Variants in ABCG1 observed in about 807,000 individuals in gnomAD.
ABCG1 encodes ATP-binding cassette sub-family G member 1.
ABCG1 carries 29 observed loss-of-function variants against 69.2 expected under a neutral mutation model. The ratio of observed to expected loss-of-function variants is 0.42; its 90% CI spans 0.31 to 0.57. ABCG1 has a LOEUF of 0.57. ABCG1 is among the 20% of genes least tolerant of loss of function. The pLI is 0.15. For missense variants in ABCG1, 718 were observed against 898.1 expected (o/e 0.80, Z 2.56); for synonymous variants, 370 against 374.8 (o/e 0.99, Z 0.15).
chr21:42,296,156 C>T lies in ABCG1; in HGVS notation c.1773-8C>T. The T allele has an allele frequency of 6.2e-7, 1 of 1,611,864 alleles. No individual in the cohort carries two copies. The highest frequency in any genetic ancestry group is 8.5e-7 in the Non-Finnish European group (1 of 1,178,024). On this transcript the variant is annotated splice_region_variant and splice_polypyrimidine_tract_variant and intron_variant, in intron 14 of 14. Coordinates refer to ENST00000398449, the MANE Select transcript of ABCG1 (RefSeq NM_016818.3). The surrounding 1 kb of genome is among the most constrained non-coding windows in gnomAD (Gnocchi z 5.4). ...ACGTCCTCCCTCATGCCTGGCCTTT[C>T]CTCCTAGGTATGGGTTCGAAGGGGT...
upstream of ABCG1, among the ~76,000 whole-genome samples, chr21:42,215,638 G>A (rs556904725): frequency 1.3e-5 from 2 of 152,316 alleles, no homozygotes; most frequent in South Asian, 2.1e-4. Context: ...TGAGGGACAC[G>A]AGGAACTGGC....
In ABCG1 at chr21:42,219,293, G is replaced by A. The variant is rs2067682339; in HGVS notation, c.31G>A (p.Gly11Ser). Residue 11 changes from glycine to serine, a missense_variant, in exon 1 of 15, where the codon GGC becomes AGC. Physicochemically the swap from Gly to Ser is moderately conservative, Grantham distance 56. Transcript: ENST00000398449. The surrounding 1 kb of genome is among the most constrained non-coding windows in gnomAD (Gnocchi z 5.3). The stretch of plus-strand genomic sequence containing the variant: ...CTGTCTGATGGCCGCTTTCTCGGTC[G>A]GCACCGCCATGGTGAGTGAGCGCAT... Reference protein sequence around the residue: MACLMAAFSVGTAMNASSYSA... With the variant: MACLMAAFSVSTAMNASSYSA... 1.3e-6 allele frequency: 2 copies of A among 1,594,080 alleles called. No individual in the cohort carries two copies. The highest frequency in any genetic ancestry group is 8.5e-7 in the Non-Finnish European group (1 of 1,174,370).
At chr21:42,224,708 A>G (rs866949991) in intron 1 of ABCG1, among the ~76,000 whole-genome samples, 1 of 152,214 alleles carries the variant, frequency 6.6e-6, no homozygotes, top group African/African-American at 2.4e-5. Flanking sequence ...AGACAGCAAG[A>G]AAAAGCACAG....
intron 2 of ABCG1, among the ~76,000 whole-genome samples, chr21:42,235,187 G>A (rs2123568491): frequency 6.6e-6 from 1 of 152,348 alleles, no homozygotes; most frequent in African/African-American, 2.4e-5. Flanking sequence ...CCTGAGGGTG[G>A]AGGTGTTGCC....
chr21:42,288,003 T>C lies in ABCG1; in HGVS notation c.1088T>C (p.Val363Ala), dbSNP rs949236511. 3.1e-6 allele frequency: 5 copies of C among 1,612,612 alleles called. No homozygotes were observed. The African/African-American group carries it at 4.0e-5, about 13-fold the overall frequency. Reference sequence around the variant, plus strand: ...AGAGACCTCGGGGGTGATGCCGAGGTGAACCCTTTTCTTTGGCACCGGCCC... The same window carrying C: ...AGAGACCTCGGGGGTGATGCCGAGGCGAACCCTTTTCTTTGGCACCGGCCC... ...HKRDLGGDAE[V>A]NPFLWHRPSE... is the part of the protein sequence containing the mutation. The change falls in exon 9 of 15, where the codon GTG (valine) becomes GCG (alanine). Residue 363 changes from valine to alanine, a missense_variant. By Grantham distance (64) the Val-to-Ala change is moderately conservative (BLOSUM62 0). Coordinates refer to ENST00000398449, the MANE Select transcript of ABCG1 (RefSeq NM_016818.3). The surrounding 1 kb of genome is among the most constrained non-coding windows in gnomAD (Gnocchi z 4.8).
At chr21:42,282,444 T>A (rs1315076048) in intron 6 of ABCG1, 25 bp downstream of exon 6, 2 of 1,599,444 alleles carry the variant, frequency 1.3e-6, no homozygotes, top group Non-Finnish European at 1.7e-6. Flanking sequence ...TCTGAGCTGG[T>A]GTCCAGGGGC....
chr21:42,277,293 A>AT (rs2068728563), intron 5 of ABCG1, among the ~76,000 whole-genome samples: 1 of 152,214 alleles, frequency 6.6e-6, no homozygotes, highest in South Asian at 2.1e-4. Context: ...TCGATATTAA[A>AT]TTTTTTATAA....
At chr21:42,280,480 CA>C (rs1453603056) in intron 5 of ABCG1, among the ~76,000 whole-genome samples, 5 of 152,244 alleles carry the variant, frequency 3.3e-5, no homozygotes, top group Non-Finnish European at 5.9e-5. Flanking sequence ...CGGGAAGCCC[CA>C]GGGGGGCTGG....
intron 2 of ABCG1, among the ~76,000 whole-genome samples, chr21:42,232,785 G>T (rs963046056): frequency 1.3e-5 from 2 of 152,200 alleles, no homozygotes; most frequent in African/African-American, 4.8e-5. Context: ...AATCACCAAA[G>T]GTGACATTTT....
intron 2 of ABCG1, among the ~76,000 whole-genome samples, chr21:42,207,912 C>T (rs1360497580): frequency 6.6e-6 from 1 of 152,158 alleles, no homozygotes; most frequent in African/African-American, 2.4e-5. Context: ...CTGTCACCAC[C>T]CCAGCAAGGT....
At chr21:42,293,373 C>CAG (rs2069126622) in intron 13 of ABCG1, among the ~76,000 whole-genome samples, 1 of 147,554 alleles carries the variant, frequency 6.8e-6, no homozygotes, top group East Asian at 2.1e-4. Flanking sequence ...ACACACCACA[C>CAG]TACACACTAC....
chr21:42,253,350 A>G (rs1301551720), intron 2 of ABCG1, among the ~76,000 whole-genome samples: 17 of 152,198 alleles, frequency 1.1e-4, no homozygotes, highest in Admixed American at 9.8e-4. Flanking sequence ...CCCAGCCATC[A>G]TGTGGTTTGG....
At chr21:42,225,246 A>G (rs541133664) in intron 1 of ABCG1, among the ~76,000 whole-genome samples, 2 of 152,310 alleles carry the variant, frequency 1.3e-5, no homozygotes, top group African/African-American at 4.8e-5. Flanking sequence ...AAAGGCACAA[A>G]ACAGCTCAGT....
intron 5 of ABCG1, among the ~76,000 whole-genome samples, chr21:42,279,267 G>A (rs756726501): frequency 9.9e-5 from 15 of 152,172 alleles, no homozygotes; most frequent in Non-Finnish European, 2.1e-4. Context: ...AGAGGGAGGC[G>A]CTGGAGAGAG....
At chr21:42,274,706 C>G (rs1005568884) in intron 4 of ABCG1, among the ~76,000 whole-genome samples, 1 of 152,106 alleles carries the variant, frequency 6.6e-6, no homozygotes, top group African/African-American at 2.4e-5. Flanking sequence ...AACTCCTGAC[C>G]TCGTGATCTG....
Position 42,282,431 on chromosome 21 carries a change from G to A in ABCG1, c.734+12G>A. On this transcript the variant is annotated intron_variant, in intron 6 of 14. Transcript: ENST00000398449. ...GATGAGCCCACCAGGTAAGTCAGGA[G>A]CATCTGAGCTGGTGTCCAGGGGCAG... 1 of 1,606,674 alleles carries A rather than the reference G, an allele frequency of 6.2e-7. No homozygotes were observed.
chr21:42,259,777 G>C (rs2068373928), intron 2 of ABCG1, among the ~76,000 whole-genome samples: 1 of 152,260 alleles, frequency 6.6e-6, no homozygotes, highest in Non-Finnish European at 1.5e-5. Context: ...TCATGGTTTA[G>C]GAAGAGGCAG....
At chr21:42,222,094 G>A (rs563939793) in intron 1 of ABCG1, among the ~76,000 whole-genome samples, 8 of 152,322 alleles carry the variant, frequency 5.3e-5, no homozygotes, top group East Asian at 1.9e-4. Context: ...TATGTGGCCC[G>A]GTGCGGGGGT....
At chr21:42,255,373 CAT>C (rs2068286596) in intron 2 of ABCG1, among the ~76,000 whole-genome samples, 2 of 152,086 alleles carry the variant, frequency 1.3e-5, no homozygotes, top group Admixed American at 6.5e-5. Flanking sequence ...ACATGATGCA[CAT>C]GTGTGTATAT....
Sources: allele counts gnomAD v4.1 joint callset (sites outside exome capture counted in the v4.1 genomes callset), GRCh38; gene constraint gnomAD v4.1.1; non-coding constraint Gnocchi (gnomAD v3.1); transcripts MANE v1.5; gene names NCBI Gene and HGNC (gene_info 2026-07-23, HGNC 2026-07-21).